Variants in SPEN observed in about 807,000 individuals in gnomAD.
SPEN encodes spen family transcriptional repressor.
SPEN carries 18 observed loss-of-function variants against 269.9 expected under a neutral mutation model. That is an observed-to-expected ratio of 0.07 (90% CI 0.05 to 0.10). The LOEUF (loss-of-function observed/expected upper bound fraction) is 0.10. Among genes scored for constraint, SPEN ranks in the 10% least tolerant of loss-of-function variants. SPEN has a pLI of 1.00. For synonymous variants in SPEN, 1,726 were observed against 1,765.7 expected (o/e 0.98, Z 0.56); for missense variants, 3,822 against 4,631.2 (o/e 0.83, Z 5.07).
chr1:15,916,407 C>CT, intron 6 of SPEN, 128 bp downstream of exon 6: 1 of 970,970 alleles, frequency 1.0e-6, no homozygotes. Context: ...GCTTTTAGCT[C>CT]TTGCTAAAAG....
chr1:15,903,923 T>G (rs2148725364), intron 3 of SPEN, among the ~76,000 whole-genome samples: 1 of 152,376 alleles, frequency 6.6e-6, no homozygotes, highest in East Asian at 1.9e-4. Context: ...TTAGATTAGC[T>G]TCTGATGAAC....
intron 1 of SPEN, among the ~76,000 whole-genome samples, chr1:15,852,884 A>G (rs1046801533): frequency 6.6e-6 from 1 of 152,142 alleles, no homozygotes; most frequent in Non-Finnish European, 1.5e-5. Context: ...TTATTAATCG[A>G]CTGACTGATT....
intron 1 of SPEN, among the ~76,000 whole-genome samples, chr1:15,860,947 C>G (rs1283153306): frequency 6.6e-6 from 1 of 152,062 alleles, no homozygotes; most frequent in East Asian, 1.9e-4. Flanking sequence ...CTCTGTGGCC[C>G]AGGCTGGAGA....
At chr1:15,913,056 TA>T (rs1474973651) in intron 5 of SPEN, among the ~76,000 whole-genome samples, 1 of 152,220 alleles carries the variant, frequency 6.6e-6, no homozygotes, top group Admixed American at 6.5e-5. Context: ...AGGACAACAT[TA>T]AAACCAGTTA....
intron 3 of SPEN, among the ~76,000 whole-genome samples, chr1:15,908,944 A>C (rs936683303): frequency 7.2e-5 from 11 of 152,172 alleles, no homozygotes; most frequent in Admixed American, 7.2e-4. Context: ...GACATGTGCT[A>C]TATGTCTGAT....
rs1557758094 is a variant in SPEN, at chr1:15,928,382, C to G, written c.2142C>G (p.Asp714Glu). The G allele has an allele frequency of 6.2e-7, 1 of 1,614,148 alleles. No individual in the cohort carries two copies. Among genetic ancestry groups the G allele is most frequent in the Non-Finnish European group, 8.5e-7 (1 of 1,180,022 alleles). The change falls in exon 11 of 15, where the codon GAC (aspartate) becomes GAG (glutamate). Residue 714 changes from aspartate (D) to glutamate (E), a missense_variant. Physicochemically the swap from Asp to Glu is conservative, Grantham distance 45. Transcript: ENST00000375759. This position sits in a 1 kb window ranked among gnomAD's most constrained non-coding sequence, Gnocchi z 5.7. ...RERERFESDR[D>E]RDHERRPIER... ...GTGAAAGATTTGAGTCTGACCGGGA[C>G]AGAGACCATGAGAGGAGGCCGATTG...
Position 15,935,769 on chromosome 1 carries a change from G to A in SPEN, c.9529G>A (p.Val3177Ile). Residue 3177 changes from valine (V) to isoleucine (I), a missense_variant, in exon 11 of 15, where the codon GTA becomes ATA. Transcript: ENST00000375759. This position sits in a 1 kb window ranked among gnomAD's most constrained non-coding sequence, Gnocchi z 7.7. ...ARATAPVQSEVLVMQSEYRLH... is the reference protein window; with the variant it reads ...ARATAPVQSEILVMQSEYRLH... ...AGCCACAGCCCCTGTGCAGTCAGAGGTACTAGTCATGCAGTCTGAGTACCG... is the reference window on the plus strand; with the variant it reads ...AGCCACAGCCCCTGTGCAGTCAGAGATACTAGTCATGCAGTCTGAGTACCG... The A allele has an allele frequency of 6.2e-7, 1 of 1,613,820 alleles. No homozygotes were observed. The highest frequency in any genetic ancestry group is 8.5e-7 in the Non-Finnish European group (1 of 1,179,988).
At position 15,934,653 on chromosome 1, in the gene SPEN, G is replaced by A. The variant is rs762890376; in HGVS notation, c.8413G>A (p.Gly2805Arg). ...TCCGGCAGACGCGGGCTCAGGGGCGGGGCTGCGTGTGAACACTTCTGAAGG... is the reference window on the plus strand; with the variant it reads ...TCCGGCAGACGCGGGCTCAGGGGCGAGGCTGCGTGTGAACACTTCTGAAGG... Reference protein sequence around the residue: ...DRPADAGSGAGLRVNTSEGVV... With the variant: ...DRPADAGSGARLRVNTSEGVV... The change falls in exon 11 of 15, where the codon GGG becomes AGG. Residue 2805 changes from glycine to arginine, a missense_variant. Physicochemically the swap from Gly to Arg is moderately radical, Grantham distance 125. This residue lies in a region of SPEN where 329 missense variants were observed against 431.2 expected (regional missense o/e 0.76). Coordinates refer to ENST00000375759, the MANE Select transcript of SPEN (RefSeq NM_015001.3). This position sits in a 1 kb window ranked among gnomAD's most constrained non-coding sequence, Gnocchi z 9.2. 1 of 1,614,032 alleles carries A rather than the reference G, an allele frequency of 6.2e-7. No individual in the cohort carries two copies. The highest frequency in any genetic ancestry group is 2.2e-5 in the East Asian group (1 of 44,860).
chr1:15,930,942 G>A lies in SPEN; in HGVS notation c.4702G>A (p.Gly1568Arg). 3 of 1,614,086 alleles carry A rather than the reference G, an allele frequency of 1.9e-6. No homozygotes were observed. Among genetic ancestry groups the A allele is most frequent in the Admixed American group, 1.7e-5 (1 of 60,000 alleles). Residue 1568 changes from glycine to arginine, a missense_variant, in exon 11 of 15, where the codon GGA (glycine) becomes AGA (arginine). This residue lies in a region of SPEN where 533 missense variants were observed against 618.8 expected (regional missense o/e 0.86). Coordinates refer to ENST00000375759, the MANE Select transcript of SPEN (RefSeq NM_015001.3). The surrounding 1 kb of genome is among the most constrained non-coding windows in gnomAD (Gnocchi z 5.3). ...GATCTATGGGAAGCAGACATCTGAG[G>A]GAGCAAACAGCACAACTGATTCCAT... Reference protein sequence around the residue: ...GRIYGKQTSEGANSTTDSIQE... With the variant: ...GRIYGKQTSERANSTTDSIQE...
chr1:15,887,100 C>G (rs2070743030), intron 3 of SPEN, among the ~76,000 whole-genome samples: 1 of 151,552 alleles, frequency 6.6e-6, no homozygotes, highest in Admixed American at 6.6e-5. Context: ...CTGAGCCTCC[C>G]AAGTAGCTGG....
rs1029696118 is a variant in SPEN at position 15,939,571 on chromosome 1, G to C, written c.*144G>C. 1 of 1,005,442 alleles carries C rather than the reference G, an allele frequency of 9.9e-7. No individual in the cohort carries two copies. Among genetic ancestry groups the C allele is most frequent in the Non-Finnish European group, 1.4e-6 (1 of 717,672 alleles). 62.3% of individuals were successfully genotyped at this position (1,005,442 alleles called of 1,614,324 possible). On this transcript the variant is annotated 3_prime_UTR_variant, in exon 15 of 15. Coordinates refer to ENST00000375759, the MANE Select transcript of SPEN (RefSeq NM_015001.3). This position sits in a 1 kb window ranked among gnomAD's most constrained non-coding sequence, Gnocchi z 4.1. ...CCAGCCGTTTGCTGTCCTGCCGCCCGGCTCAGTCGGCCAGACTTCCTCTAG... is the reference window on the plus strand; with the variant it reads ...CCAGCCGTTTGCTGTCCTGCCGCCCCGCTCAGTCGGCCAGACTTCCTCTAG...
In SPEN at chr1:15,928,237, G is replaced by A; in HGVS notation, c.1997G>A (p.Gly666Glu). ...EFYSEWETYQ[G>E]DYYESRYYDD... is the part of the protein sequence containing the mutation. The stretch of plus-strand genomic sequence containing the variant: ...TATTCAGAATGGGAAACTTACCAAG[G>A]AGACTACTATGAATCACGATACTAC... The change falls in exon 11 of 15, where the codon GGA becomes GAA. Residue 666 changes from glycine to glutamate, a missense_variant. Transcript: ENST00000375759. The surrounding 1 kb of genome is among the most constrained non-coding windows in gnomAD (Gnocchi z 5.7). The A allele has an allele frequency of 6.2e-7, 1 of 1,614,166 alleles. No homozygotes were observed. Among genetic ancestry groups the A allele is most frequent in the Non-Finnish European group, 8.5e-7 (1 of 1,180,024 alleles).
intron 10 of SPEN, among the ~76,000 whole-genome samples, chr1:15,923,708 G>T (rs1299310666): frequency 6.7e-6 from 1 of 149,530 alleles, no homozygotes; most frequent in African/African-American, 2.5e-5. Flanking sequence ...CTTGCTCTGT[G>T]GTCTAGGCTA....
At position 15,929,692 on chromosome 1, in the gene SPEN, A is replaced by G. The variant is rs1218943917; in HGVS notation, c.3452A>G (p.His1151Arg). The change falls in exon 11 of 15, where the codon CAT becomes CGT. Residue 1151 changes from histidine to arginine, a missense_variant. Physicochemically the swap from His to Arg is conservative, Grantham distance 29 (BLOSUM62 0). Transcript: ENST00000375759. The surrounding 1 kb of genome is among the most constrained non-coding windows in gnomAD (Gnocchi z 5.8). The part of the protein sequence containing the change: ...PERKSGQEKS[H>R]SVNTEEKIGI... The stretch of plus-strand genomic sequence containing the variant: ...CGTAAATCAGGCCAAGAGAAATCAC[A>G]TTCAGTAAATACTGAAGAAAAAATT... 5.0e-6 allele frequency: 8 copies of G among 1,613,976 alleles called. No homozygotes were observed. The highest frequency in any genetic ancestry group is 1.1e-5 in the South Asian group (1 of 91,066).
chr1:15,861,568 C>T (rs1036996422), intron 1 of SPEN, among the ~76,000 whole-genome samples: 1 of 152,132 alleles, frequency 6.6e-6, no homozygotes, highest in Non-Finnish European at 1.5e-5. Context: ...ATTTCCTTCT[C>T]AGCAGTTGTA....
intron 3 of SPEN, among the ~76,000 whole-genome samples, chr1:15,899,316 A>G (rs2070875101): frequency 1.3e-5 from 2 of 152,086 alleles, no homozygotes; most frequent in South Asian, 4.1e-4. Flanking sequence ...CTGGGACTAC[A>G]GGCACATACC....
At position 15,931,674 on chromosome 1, in the gene SPEN, G is replaced by A; in HGVS notation, c.5434G>A (p.Ala1812Thr). ...SEDLEVDPPV[A>T]AKDKKPNKSK... ...AGATTTAGAGGTTGATCCTCCAGTT[G>A]CTGCAAAGGATAAAAAGCCAAACAA... Residue 1812 changes from alanine to threonine, a missense_variant, in exon 11 of 15, where the codon GCT becomes ACT. Physicochemically the swap from Ala to Thr is moderately conservative, Grantham distance 58. Transcript: ENST00000375759. This position sits in a 1 kb window ranked among gnomAD's most constrained non-coding sequence, Gnocchi z 4.8. 1 of 1,614,208 alleles carries A rather than the reference G, an allele frequency of 6.2e-7. No homozygotes were observed. Among genetic ancestry groups the A allele is most frequent in the Non-Finnish European group, 8.5e-7 (1 of 1,180,046 alleles).
intron 3 of SPEN, among the ~76,000 whole-genome samples, chr1:15,902,528 T>C (rs1336641937): frequency 6.6e-6 from 1 of 152,134 alleles, no homozygotes; most frequent in Non-Finnish European, 1.5e-5. Flanking sequence ...TAAGAGATTA[T>C]GGGCCAGGAA....
chr1:15,849,124 A>G (rs944859571), intron 1 of SPEN, among the ~76,000 whole-genome samples: 1 of 152,232 alleles, frequency 6.6e-6, no homozygotes, highest in African/African-American at 2.4e-5. Flanking sequence ...CTCCGCATAA[A>G]ACACTTATTA....
Sources: allele counts gnomAD v4.1 joint callset (sites outside exome capture counted in the v4.1 genomes callset), GRCh38; gene constraint gnomAD v4.1.1; regional missense constraint gnomAD v4.1.1; non-coding constraint Gnocchi (gnomAD v3.1); transcripts MANE v1.5; gene names NCBI Gene and HGNC (gene_info 2026-07-23, HGNC 2026-07-21).